ATF7IP: variants seen among roughly 807,000 people sequenced by gnomAD.
The protein encoded by ATF7IP is activating transcription factor 7 interacting protein, also known as activating transcription factor 7-interacting protein 1.
A neutral mutation model predicts 106.4 loss-of-function variants in ATF7IP; 23 were observed. The ratio of observed to expected loss-of-function variants is 0.22; its 90% confidence interval spans 0.16 to 0.31. The LOEUF (loss-of-function observed/expected upper bound fraction) is 0.31, where lower values mean the gene tolerates loss of function less well. Among genes scored for constraint, ATF7IP ranks in the 10% least tolerant of loss-of-function variants. ATF7IP has a pLI of 1.00. For missense variants in ATF7IP, 1,334 were observed against 1,524.3 expected (o/e 0.88, Z 2.08); for synonymous variants, 542 against 539.0 (o/e 1.01, Z -0.08).
chr12:14,404,339 A>G (rs1407313597), intron 1 of ATF7IP, among the ~76,000 whole-genome samples: 2 of 152,208 alleles, frequency 1.3e-5, no homozygotes, highest in Non-Finnish European at 2.9e-5. Context: ...TTTTCATCAC[A>G]TCATTTCTTT....
intron 5 of ATF7IP, among the ~76,000 whole-genome samples, chr12:14,446,750 G>A (rs1386132194): frequency 6.6e-6 from 1 of 152,128 alleles, no homozygotes; most frequent in Non-Finnish European, 1.5e-5. Flanking sequence ...GAAGAAATAG[G>A]CTAACCTAAT....
intron 1 of ATF7IP, among the ~76,000 whole-genome samples, chr12:14,423,574 C>CTTTTTTTTTTTTTTTTTTTTTTT: frequency 1.2e-4 from 4 of 34,390 alleles, no homozygotes; most frequent in Non-Finnish European, 1.6e-4. Context: ...TCTTCAGGTA[C>CTTTTTTTTTTTTTTTTTTTTTTT]TTTTTTTTTT....
Position 14,498,381 on chromosome 12 carries a change from G to T in ATF7IP, c.*308G>T. 3.9e-6 allele frequency: 1 copy of T among 259,302 alleles called. No homozygotes were observed. Among genetic ancestry groups the T allele is most frequent in the East Asian group, 7.2e-5 (1 of 13,958 alleles). 16.1% of individuals were successfully genotyped at this position (259,302 alleles called of 1,614,324 possible). On this transcript the variant is annotated 3_prime_UTR_variant, in exon 15 of 15. Coordinates refer to ENST00000261168, the MANE Select transcript of ATF7IP (RefSeq NM_018179.5). ...CTTATGTAGGTGTTATTGCATTGGA[G>T]TCTCCCATTTTCATTCTCAAATTTA...
chr12:14,496,446 T>C (rs1312115511), intron 14 of ATF7IP, 103 bp downstream of exon 14: 6 of 704,816 alleles, frequency 8.5e-6, no homozygotes, highest in Non-Finnish European at 1.5e-5. Flanking sequence ...AAGGGAAGTG[T>C]TAGGTCTTCC....
At position 14,496,227 on chromosome 12, in the gene ATF7IP, G is replaced by GTTTT; in HGVS notation, c.3281-3_3281-2insTTTT. On this transcript the variant is annotated splice_polypyrimidine_tract_variant and splice_region_variant and intron_variant, in intron 13 of 14. Transcript: ENST00000261168. ...TATCCTGTAATTTTTTTGTTTGTTT[G>GTTTT]TAGGTGTTACAGTTCGAGTGCCTCA... 3 of 1,586,494 alleles carry GTTTT rather than the reference G, an allele frequency of 1.9e-6. No individual in the cohort carries two copies. The highest frequency in any genetic ancestry group is 2.6e-6 in the Non-Finnish European group (3 of 1,158,722).
chr12:14,430,017 C>T (rs185866735), intron 2 of ATF7IP, among the ~76,000 whole-genome samples: 34 of 152,160 alleles, frequency 2.2e-4, no homozygotes, highest in African/African-American at 7.9e-4. Flanking sequence ...TATTAGGTGA[C>T]AAGATGAAAT....
At chr12:14,376,672 C>T (rs147268975) in intron 1 of ATF7IP, among the ~76,000 whole-genome samples, 57 of 152,272 alleles carry the variant, frequency 3.7e-4, no homozygotes, top group African/African-American at 1.3e-3. Context: ...CTGAGATTCC[C>T]ACATTTGTCA....
At position 14,424,266 on chromosome 12, in the gene ATF7IP, A is replaced by G. The variant is rs1451466708; in HGVS notation, c.351A>G (p.Ile117Met). ...GTGAACCTTTGTCTCCCCATAATAT[A>G]ACTCCAGAACCAGTCTCTAAACTGC... The part of the protein sequence containing the change: ...LNCEPLSPHN[I>M]TPEPVSKLPA... Residue 117 changes from isoleucine (I) to methionine (M), a missense_variant, in exon 2 of 15, where the codon ATA becomes ATG. Physicochemically the swap from Ile to Met is conservative, Grantham distance 10. This residue lies in a region of ATF7IP where 438 missense variants were observed against 405.3 expected (regional missense o/e 1.08). Transcript: ENST00000261168. 1.9e-6 allele frequency: 3 copies of G among 1,614,218 alleles called. No individual in the cohort carries two copies. Among genetic ancestry groups the G allele is most frequent in the South Asian group, 2.2e-5 (2 of 91,090 alleles).
At chr12:14,434,893 C>T (rs1942327100) in intron 3 of ATF7IP, among the ~76,000 whole-genome samples, 1 of 152,114 alleles carries the variant, frequency 6.6e-6, no homozygotes, top group African/African-American at 2.4e-5. Flanking sequence ...CAAGACCAGC[C>T]TGGGTGACAT....
At chr12:14,464,074 A>T (rs1403191456) in intron 9 of ATF7IP, among the ~76,000 whole-genome samples, 1 of 152,226 alleles carries the variant, frequency 6.6e-6, no homozygotes, top group East Asian at 1.9e-4. Context: ...GCACTTTGGG[A>T]GGCTGAGGCA....
At chr12:14,443,806 G>A (rs1035456394) in intron 5 of ATF7IP, among the ~76,000 whole-genome samples, 2 of 152,096 alleles carry the variant, frequency 1.3e-5, no homozygotes, top group South Asian at 4.1e-4. Flanking sequence ...GTTGAATGAA[G>A]AAGGAAATAT....
chr12:14,446,904 CTTTTTATATATTCATGGTTTT>C, intron 5 of ATF7IP, 63 bp from the exon 6 acceptor site: 1 of 907,696 alleles, frequency 1.1e-6, no homozygotes, highest in Non-Finnish European at 1.5e-6. Flanking sequence ...CTATAGGTTT[CTTTTTATATATTCATGGTTTT>C]TTTTTTTAAT....
chr12:14,486,728 G>A (rs1261344843), intron 13 of ATF7IP, among the ~76,000 whole-genome samples: 3 of 152,082 alleles, frequency 2.0e-5, no homozygotes, highest in Admixed American at 2.0e-4. Context: ...CGGTAGCTAC[G>A]CCCACCTTGC....
At chr12:14,491,948 T>C (rs1189013903) in intron 13 of ATF7IP, among the ~76,000 whole-genome samples, 3 of 152,216 alleles carry the variant, frequency 2.0e-5, no homozygotes, top group Non-Finnish European at 4.4e-5. Flanking sequence ...ATCTTTCACG[T>C]CCTTGATGGT....
chr12:14,450,115 A>T lies in ATF7IP; in HGVS notation c.1995+3062A>T, dbSNP rs570219987. Among the ~76,000 whole-genome samples the T allele has an allele frequency of 1.6e-4, 24 of 152,192 alleles. No homozygotes were observed. The Middle Eastern group carries it at 0.01, about 65-fold the overall frequency. ...ATATGAGATCATATCATCTGTGAAC[A>T]AAGATATTTATACTTCTTTTTCTGA... On this transcript the variant is annotated intron_variant, in intron 6 of 14. Transcript: ENST00000261168.
chr12:14,477,851 AT>A (rs1944310043), intron 11 of ATF7IP, among the ~76,000 whole-genome samples: 1 of 152,212 alleles, frequency 6.6e-6, no homozygotes, highest in African/African-American at 2.4e-5. Context: ...GAGATTAGTC[AT>A]TCTTTGACTA....
chr12:14,448,943 T>G (rs892660575), intron 6 of ATF7IP, among the ~76,000 whole-genome samples: 1 of 152,344 alleles, frequency 6.6e-6, no homozygotes, highest in Non-Finnish European at 1.5e-5. Context: ...GCCATTTATG[T>G]ATCTCCTTTG....
chr12:14,469,323 C>T (rs1054780267), intron 10 of ATF7IP, among the ~76,000 whole-genome samples: 2 of 142,314 alleles, frequency 1.4e-5, no homozygotes, highest in African/African-American at 2.6e-5. Context: ...CAAGATAATG[C>T]CACTGCATTC....
At chr12:14,476,304 T>C in intron 11 of ATF7IP, 4 of 170,488 alleles carry the variant, frequency 2.3e-5, no homozygotes, top group Non-Finnish European at 4.9e-5. Context: ...CCCAGCTGCA[T>C]GGGAGGCTGA....
Sources: gnomAD v4.1 joint callset for allele counts (sites outside exome capture counted in the v4.1 genomes callset) on GRCh38, gnomAD v4.1.1 for gene constraint, gnomAD v4.1.1 regional missense constraint, MANE v1.5 for transcripts, NCBI Gene and HGNC (gene_info 2026-07-23, HGNC 2026-07-21) for gene names.